The following TNNI3K variants were observed in gnomAD, a reference collection of about 807,000 sequenced individuals.
TNNI3K encodes TNNI3 interacting kinase, also known as serine/threonine-protein kinase TNNI3K.
Under a neutral mutation model 114.5 loss-of-function variants are expected in TNNI3K, and 140 were observed. The ratio of observed to expected loss-of-function variants is 1.22; its 90% CI spans 1.07 to 1.41. The LOEUF (loss-of-function observed/expected upper bound fraction) is 1.41, where lower values mean the gene tolerates loss of function less well. Among genes scored for constraint, TNNI3K ranks in the 40% most tolerant of loss-of-function variants. The probability of loss-of-function intolerance (pLI) is 0.00; values close to 1 mark genes in which losing one functional copy is unlikely to be tolerated. For missense variants in TNNI3K, 1,125 were observed against 1,007.6 expected (o/e 1.12, Z -1.58); for synonymous variants, 347 against 347.5 (o/e 1.00, Z 0.02).
At chr1:74,279,950 C>A (rs1385158610) in intron 5 of TNNI3K, among the ~76,000 whole-genome samples, 2 of 152,100 alleles carry the variant, frequency 1.3e-5, no homozygotes, top group African/African-American at 4.8e-5. Context: ...AGCAAAATAG[C>A]TGAAATGAAC....
intron 20 of TNNI3K, among the ~76,000 whole-genome samples, chr1:74,453,602 T>C (rs994750710): frequency 2.6e-5 from 4 of 152,162 alleles, no homozygotes; most frequent in African/African-American, 7.2e-5. Context: ...TAGCATTGAC[T>C]CCTACACAAG....
At chr1:74,479,393 C>A (rs1668363869) in intron 21 of TNNI3K, among the ~76,000 whole-genome samples, 1 of 152,166 alleles carries the variant, frequency 6.6e-6, no homozygotes, top group Non-Finnish European at 1.5e-5. Context: ...TAAAGAATTG[C>A]ATATTATCCT....
At chr1:74,331,778 G>A (rs1345227319) in intron 6 of TNNI3K, among the ~76,000 whole-genome samples, 5 of 152,160 alleles carry the variant, frequency 3.3e-5, no homozygotes, top group African/African-American at 1.2e-4. Context: ...AAGTACATTG[G>A]TAAGTGTGTG....
At chr1:74,293,350 C>A (rs1372706890) in intron 5 of TNNI3K, among the ~76,000 whole-genome samples, 1 of 151,552 alleles carries the variant, frequency 6.6e-6, no homozygotes, top group Non-Finnish European at 1.5e-5. Context: ...ACTGTGTTTT[C>A]CTTGCTGAAG....
chr1:74,396,657 G>A (rs1473597402), intron 17 of TNNI3K, among the ~76,000 whole-genome samples: 8 of 152,132 alleles, frequency 5.3e-5, no homozygotes, highest in Non-Finnish European at 1.2e-4. Flanking sequence ...TGCACATCCC[G>A]GATGGGATAA....
intron 21 of TNNI3K, chr1:74,483,469 T>C: frequency 1.6e-6 from 1 of 610,458 alleles, no homozygotes; most frequent in Non-Finnish European, 3.0e-6. Context: ...TTTGGTAATT[T>C]CTACTGTTCA....
intron 11 of TNNI3K, among the ~76,000 whole-genome samples, chr1:74,360,659 A>G (rs982695965): frequency 1.3e-5 from 2 of 151,870 alleles, no homozygotes; most frequent in Non-Finnish European, 2.9e-5. Flanking sequence ...TGTCCTCTCC[A>G]TGTCACCCCA....
chr1:74,299,893 A>G (rs963864366), intron 5 of TNNI3K, among the ~76,000 whole-genome samples: 2 of 152,176 alleles, frequency 1.3e-5, no homozygotes, highest in African/African-American at 4.8e-5. Flanking sequence ...TAGCTAAATT[A>G]TTAGTTTATA....
chr1:74,247,966 G>A (rs567838403), intron 2 of TNNI3K, among the ~76,000 whole-genome samples: 1 of 152,216 alleles, frequency 6.6e-6, no homozygotes, highest in African/African-American at 2.4e-5. Flanking sequence ...TGCCCGTCGG[G>A]GTGGCTCAGG....
intron 2 of TNNI3K, chr1:74,239,857 T>C: frequency 2.2e-6 from 1 of 444,934 alleles, no homozygotes; most frequent in South Asian, 1.7e-5. Context: ...AGCTTTGGAA[T>C]GGGAGCTTGA....
chr1:74,390,834 T>A (rs1415688868), intron 17 of TNNI3K, among the ~76,000 whole-genome samples: 1 of 152,164 alleles, frequency 6.6e-6, no homozygotes, highest in Non-Finnish European at 1.5e-5. Flanking sequence ...GGGTGACATC[T>A]GAGCTGAGAT....
At chr1:74,491,945 T>C (rs45510492) in intron 22 of TNNI3K, 152 bp from the exon 23 acceptor site, 14 of 1,219,786 alleles carry the variant, frequency 1.1e-5, no homozygotes, top group Admixed American at 2.6e-5. Flanking sequence ...GCCACTAGAC[T>C]TTTTCCTGAA....
intron 9 of TNNI3K, among the ~76,000 whole-genome samples, chr1:74,348,873 T>C (rs1661171145): frequency 6.6e-6 from 1 of 152,234 alleles, no homozygotes; most frequent in Admixed American, 6.5e-5. Flanking sequence ...CTGAAGTTGC[T>C]TATCAGCTTA....
At chr1:74,397,706 A>G (rs1664156100) in intron 17 of TNNI3K, among the ~76,000 whole-genome samples, 1 of 152,190 alleles carries the variant, frequency 6.6e-6, no homozygotes, top group African/African-American at 2.4e-5. Flanking sequence ...CCACTACATG[A>G]TGGGATGAGT....
chr1:74,392,884 C>T (rs1396403208), intron 17 of TNNI3K, among the ~76,000 whole-genome samples: 3 of 152,188 alleles, frequency 2.0e-5, no homozygotes, highest in Non-Finnish European at 4.4e-5. Flanking sequence ...CAGGCAGTAT[C>T]ATAAGTGTCT....
At chr1:74,402,027 G>T in intron 17 of TNNI3K, 1 of 239,114 alleles carries the variant, frequency 4.2e-6, no homozygotes, top group South Asian at 4.9e-5. Flanking sequence ...ATAAACTTAA[G>T]TTGGAATAAT....
intron 17 of TNNI3K, among the ~76,000 whole-genome samples, chr1:74,432,235 T>G (rs1313907581): frequency 1.3e-5 from 2 of 152,172 alleles, no homozygotes; most frequent in Non-Finnish European, 2.9e-5. Flanking sequence ...AATCAAATTT[T>G]GCTGATTTGC....
At chr1:74,415,089 CG>C (rs1449051040) in intron 17 of TNNI3K, among the ~76,000 whole-genome samples, 2 of 152,132 alleles carry the variant, frequency 1.3e-5, no homozygotes, top group Admixed American at 6.6e-5. Context: ...CCAGCCACGA[CG>C]GGGCCTCTAT....
At chr1:74,518,772 TA>T (rs1646385321) in intron 23 of TNNI3K, among the ~76,000 whole-genome samples, 1 of 152,120 alleles carries the variant, frequency 6.6e-6, no homozygotes. Context: ...GGTGTGTTTT[TA>T]AAACAACATT....
Sources: gnomAD v4.1 joint callset for allele counts (sites outside exome capture counted in the v4.1 genomes callset) on GRCh38, gnomAD v4.1.1 for gene constraint, MANE v1.5 for transcripts, NCBI Gene and HGNC (gene_info 2026-07-23, HGNC 2026-07-21) for gene names.